Variants in STPG2 observed in about 807,000 individuals in gnomAD.
STPG2 encodes sperm tail PG-rich repeat containing 2.
A neutral mutation model predicts 54.2 loss-of-function variants in STPG2; 56 were observed. That is an observed-to-expected ratio of 1.03 (90% CI 0.83 to 1.29). STPG2 has a LOEUF of 1.29. Among genes scored for constraint, STPG2 ranks in the 50% most tolerant of loss-of-function variants. STPG2 has a pLI of 0.00. For missense variants in STPG2, 596 were observed against 544.9 expected (o/e 1.09, Z -0.93); for synonymous variants, 200 against 181.8 (o/e 1.10, Z -0.81).
rs1734060060 is a variant in STPG2 at position 97,623,311 on chromosome 4, G to C, written c.1321-64194C>G. ...CTTCTGCACAGCAAAATAATCTATG[G>C]ACAACATGAAAAAAACAACCTACAG... On this transcript the variant is annotated intron_variant, in intron 10 of 10. Transcript: ENST00000295268. 2.0e-5 allele frequency among the ~76,000 whole-genome samples: 3 copies of C among 151,438 alleles called. No homozygotes were observed. In the South Asian group the frequency reaches 6.3e-4, roughly 32 times the overall value.
intron 8 of STPG2, among the ~76,000 whole-genome samples, chr4:97,936,736 C>T (rs1191191571): frequency 6.6e-6 from 1 of 152,186 alleles, no homozygotes; most frequent in East Asian, 1.9e-4. Context: ...AGTGTTTCTG[C>T]TGAGAGCTTC....
At chr4:97,962,544 G>A (rs181221651) in intron 7 of STPG2, among the ~76,000 whole-genome samples, 2 of 152,098 alleles carry the variant, frequency 1.3e-5, no homozygotes, top group Non-Finnish European at 2.9e-5. Flanking sequence ...TTTCACTCTT[G>A]ATTTTAGATT....
At chr4:97,871,785 T>G (rs1220344345) in intron 8 of STPG2, among the ~76,000 whole-genome samples, 1 of 151,110 alleles carries the variant, frequency 6.6e-6, no homozygotes, top group Non-Finnish European at 1.5e-5. Flanking sequence ...AACTTCCAAA[T>G]TATTTTCATA....
At chr4:97,504,111 AAT>A (rs1447800642) in intron 4 of STPG2, among the ~76,000 whole-genome samples, 12 of 143,926 alleles carry the variant, frequency 8.3e-5, no homozygotes, top group Admixed American at 5.6e-4. Context: ...TAAATAAATA[AAT>A]ATTTATTTAA....
At chr4:97,580,060 A>G (rs892118206) in intron 10 of STPG2, among the ~76,000 whole-genome samples, 2 of 151,986 alleles carry the variant, frequency 1.3e-5, no homozygotes, top group African/African-American at 4.8e-5. Context: ...TAACTTTTTC[A>G]GTGGGTATTT....
At position 98,134,342 on chromosome 4, in the gene STPG2, G is replaced by T; in HGVS notation, c.222+5C>A. 1 of 1,513,100 alleles carries T rather than the reference G, an allele frequency of 6.6e-7. No individual in the cohort carries two copies. The highest frequency in any genetic ancestry group is 8.9e-7 in the Non-Finnish European group (1 of 1,122,430). The allele number at this position is 1,513,100 out of a possible 1,614,324, so 93.7% of individuals were successfully genotyped here. On this transcript the variant is annotated splice_donor_5th_base_variant and intron_variant, in intron 2 of 10. Coordinates refer to ENST00000295268, the MANE Select transcript of STPG2 (RefSeq NM_174952.3). ...TTAAGTCAATTATAGTAACTATAAA[G>T]TTACCTGTGCTTCTGAAACATTATA... is the stretch of plus-strand genomic sequence containing the variant.
At chr4:97,493,025 G>C (rs1189910194) in intron 4 of STPG2, among the ~76,000 whole-genome samples, 1 of 149,732 alleles carries the variant, frequency 6.7e-6, no homozygotes, top group Non-Finnish European at 1.5e-5. Flanking sequence ...TCTGATCCCA[G>C]GCCTTAAGAA....
chr4:97,716,867 T>A (rs902976045), intron 9 of STPG2, among the ~76,000 whole-genome samples: 2 of 151,844 alleles, frequency 1.3e-5, no homozygotes, highest in Admixed American at 1.3e-4. Flanking sequence ...GTATCCCAGA[T>A]CTTAAAGTAC....
At chr4:97,860,056 T>A (rs2149139522) in intron 8 of STPG2, among the ~76,000 whole-genome samples, 1 of 152,350 alleles carries the variant, frequency 6.6e-6, no homozygotes, top group African/African-American at 2.4e-5. Flanking sequence ...GCTTTATTTC[T>A]GAGTTCTCTA....
chr4:97,548,422 G>A (rs917260157), intron 4 of STPG2, among the ~76,000 whole-genome samples: 5 of 152,302 alleles, frequency 3.3e-5, no homozygotes, highest in Non-Finnish European at 5.9e-5. Flanking sequence ...AGTGAAGTAA[G>A]TCATTGTCTC....
At chr4:97,461,350 T>C (rs1319705106) in intron 4 of STPG2, among the ~76,000 whole-genome samples, 1 of 152,174 alleles carries the variant, frequency 6.6e-6, no homozygotes, top group Non-Finnish European at 1.5e-5. Flanking sequence ...CACCCAAAAA[T>C]CATATGTTGA....
At chr4:97,892,007 C>G (rs1268898178) in intron 8 of STPG2, among the ~76,000 whole-genome samples, 1 of 152,000 alleles carries the variant, frequency 6.6e-6, no homozygotes, top group African/African-American at 2.4e-5. Context: ...CATGGTACCC[C>G]ACTCCAGTGC....
chr4:97,542,785 C>A (rs1310534337), intron 4 of STPG2, among the ~76,000 whole-genome samples: 1 of 152,058 alleles, frequency 6.6e-6, no homozygotes, highest in Admixed American at 6.6e-5. Context: ...GAATACTATG[C>A]AGCCATAAAA....
intron 10 of STPG2, among the ~76,000 whole-genome samples, chr4:97,696,405 T>G (rs1273687082): frequency 6.6e-6 from 1 of 152,212 alleles, no homozygotes; most frequent in Non-Finnish European, 1.5e-5. Context: ...ATCTGAGACC[T>G]GAAACCATAC....
chr4:98,063,946 C>CA (rs1177503274), intron 5 of STPG2, among the ~76,000 whole-genome samples: 3 of 150,296 alleles, frequency 2.0e-5, no homozygotes, highest in South Asian at 2.1e-4. Flanking sequence ...GACCCTGCCT[C>CA]AAAAAAAAGA....
At position 97,711,412 on chromosome 4, in the gene STPG2, TA is replaced by T. The variant is rs1363228912; in HGVS notation, c.1320+1286del. On this transcript the variant is annotated intron_variant, in intron 10 of 10. Coordinates refer to ENST00000295268, the MANE Select transcript of STPG2 (RefSeq NM_174952.3). ...GCCTTAAGTCACCTAGCATAGATCC[TA>T]AAACCATACAAATACCCACCCTTGA... is the stretch of plus-strand genomic sequence containing the variant. Among the ~76,000 whole-genome samples, 4 of 152,128 alleles carry T rather than the reference TA, an allele frequency of 2.6e-5. No homozygotes were observed. The East Asian group carries it at 7.7e-4, about 29-fold the overall frequency.
At chr4:98,111,266 A>C (rs1235236572) in intron 3 of STPG2, among the ~76,000 whole-genome samples, 1 of 152,168 alleles carries the variant, frequency 6.6e-6, no homozygotes, top group East Asian at 1.9e-4. Flanking sequence ...CCAAAAAAAC[A>C]GAAACTGGAG....
At chr4:97,670,433 T>G (rs1158828926) in intron 10 of STPG2, among the ~76,000 whole-genome samples, 1 of 152,244 alleles carries the variant, frequency 6.6e-6, no homozygotes, top group Non-Finnish European at 1.5e-5. Context: ...GTAGTTAATT[T>G]AAATAATCCA....
At chr4:97,915,929 G>C (rs570529377) in intron 8 of STPG2, among the ~76,000 whole-genome samples, 52 of 152,248 alleles carry the variant, frequency 3.4e-4, no homozygotes, top group African/African-American at 1.2e-3. Flanking sequence ...TTAAAGGTAG[G>C]AAAAGCAGTT....
Sources: gnomAD v4.1 joint callset for allele counts (sites outside exome capture counted in the v4.1 genomes callset) on GRCh38, gnomAD v4.1.1 for gene constraint, MANE v1.5 for transcripts, NCBI Gene and HGNC (gene_info 2026-07-23, HGNC 2026-07-21) for gene names.